The following COL17A1 variants were observed in gnomAD, a reference collection of about 807,000 sequenced individuals.
The protein encoded by COL17A1 is collagen type XVII alpha 1 chain.
In COL17A1, 181 loss-of-function variants were observed where a neutral mutation model predicts 218.4. That is an observed-to-expected ratio of 0.83 (90% CI 0.73 to 0.94). The LOEUF (loss-of-function observed/expected upper bound fraction) is 0.94, where lower values mean the gene tolerates loss of function less well. COL17A1 is among the 40% of genes least tolerant of loss of function. The pLI is 0.00. For synonymous variants in COL17A1, 721 were observed against 731.0 expected (o/e 0.99, Z 0.22); for missense variants, 1,924 against 1,945.9 (o/e 0.99, Z 0.21).
intron 5 of COL17A1, 60 bp downstream of exon 5, chr10:104,076,241 A>G: frequency 6.2e-7 from 1 of 1,611,736 alleles, no homozygotes; most frequent in South Asian, 1.1e-5. Flanking sequence ...ATCTTCAAAG[A>G]ATGAGTGAAG....
rs1844703382 is a variant in COL17A1, at chr10:104,032,735, C to T, written c.4377G>A (p.Gly1459=). ...CAGGTGGCCCAGGATGACCTGGTGG[C>T]CCAGCAGGGCCCCTGTCACCTGGAA... is the stretch of plus-strand genomic sequence containing the variant. The part of the protein sequence containing the change: ...PGPKGDRGPA[G]PPGHPGPPGP... Residue 1459 remains glycine (G), a synonymous_variant, in exon 55 of 56, where the codon GGG becomes GGA. Coordinates refer to ENST00000648076, the MANE Select transcript of COL17A1 (RefSeq NM_000494.4). The T allele has an allele frequency of 6.2e-7, 1 of 1,614,124 alleles. No homozygotes were observed. Among genetic ancestry groups the T allele is most frequent in the Non-Finnish European group, 8.5e-7 (1 of 1,180,004 alleles).
At chr10:104,082,447 T>C (rs570378914) in intron 1 of COL17A1, among the ~76,000 whole-genome samples, 77 of 152,208 alleles carry the variant, frequency 5.1e-4, no homozygotes, top group Non-Finnish European at 9.8e-4. Flanking sequence ...TAATAAGCTG[T>C]GGATCAGGAG....
In COL17A1 at chr10:104,074,219, C is replaced by T; in HGVS notation, c.344G>A (p.Gly115Asp). Residue 115 changes from glycine (G) to aspartate (D), a missense_variant, in exon 6 of 56, where the codon GGC (glycine) becomes GAC (aspartate). Gly to Asp is a moderately conservative substitution (Grantham distance 94, BLOSUM62 -1). Transcript: ENST00000648076. ...TRHAYEGSSS[G>D]NSSPEYPRKE... ...CCGAGGGTACTCCGGAGAAGAGTTGCCACTGGAGCTCCCTGGAGAGGGGAT... is the reference window on the plus strand; with the variant it reads ...CCGAGGGTACTCCGGAGAAGAGTTGTCACTGGAGCTCCCTGGAGAGGGGAT... 1.9e-6 allele frequency: 3 copies of T among 1,614,136 alleles called. No individual in the cohort carries two copies. Among genetic ancestry groups the T allele is most frequent in the Non-Finnish European group, 2.5e-6 (3 of 1,180,014 alleles).
chr10:104,074,066 T>C, intron 6 of COL17A1, 118 bp downstream of exon 6: 2 of 1,530,448 alleles, frequency 1.3e-6, no homozygotes, highest in South Asian at 2.3e-5. Flanking sequence ...GGGGTCAAAC[T>C]CTTTTAGAAG....
chr10:104,045,649 C>A, intron 33 of COL17A1, 109 bp downstream of exon 33: 2 of 946,850 alleles, frequency 2.1e-6, no homozygotes, highest in Non-Finnish European at 3.5e-6. Context: ...CCACTAGATG[C>A]CACTGTTGAT....
At chr10:104,066,028 T>A (rs561836961) in intron 9 of COL17A1, among the ~76,000 whole-genome samples, 28 of 152,112 alleles carry the variant, frequency 1.8e-4, no homozygotes, top group African/African-American at 6.7e-4. Context: ...CCCCACCAGG[T>A]CCCCCCACTT....
At chr10:104,062,698 G>T (rs2134632172) in intron 11 of COL17A1, among the ~76,000 whole-genome samples, 1 of 152,294 alleles carries the variant, frequency 6.6e-6, no homozygotes, top group Middle Eastern at 3.4e-3. Context: ...GGAACTGTAA[G>T]CTTAGGATAT....
chr10:104,067,900 T>A (rs1217809055), intron 9 of COL17A1, among the ~76,000 whole-genome samples: 4 of 140,272 alleles, frequency 2.9e-5, no homozygotes, highest in Non-Finnish European at 4.7e-5. Context: ...AAGACAGAGA[T>A]CAAAGACACA....
intron 5 of COL17A1, 114 bp from the exon 6 acceptor site, chr10:104,074,345 A>AG: frequency 6.9e-7 from 1 of 1,453,422 alleles, no homozygotes; most frequent in Non-Finnish European, 9.6e-7. Flanking sequence ...TCAGTGTTTC[A>AG]GGGGGGAATG....
intron 16 of COL17A1, 107 bp from the exon 17 acceptor site, chr10:104,057,279 G>T: frequency 6.4e-7 from 1 of 1,573,432 alleles, no homozygotes; most frequent in South Asian, 1.2e-5. Context: ...TACGACTGGG[G>T]GCTTTCAAGT....
Position 104,040,262 on chromosome 10 carries a change from C to T in COL17A1, c.2761+89G>A, listed in dbSNP as rs966985694. On this transcript the variant is annotated intron_variant, in intron 40 of 55. Transcript: ENST00000648076. ...AGAAGGATGCAAAAATGCCCCAGCT[C>T]ATTCAGCTTCATCCAAACCCTCCTG... The T allele has an allele frequency of 8.7e-6, 9 of 1,038,678 alleles. No individual in the cohort carries two copies. The African/African-American group carries it at 1.4e-4, about 16-fold the overall frequency. The allele number at this position is 1,038,678 out of a possible 1,614,324, so 64.3% of individuals were successfully genotyped here.
rs1391893703 is a variant in COL17A1, at chr10:104,039,996, G to T, written c.2765C>A (p.Pro922His). 4.3e-6 allele frequency: 7 copies of T among 1,614,052 alleles called. No individual in the cohort carries two copies. The change falls in exon 41 of 56, where the codon CCC (proline) becomes CAC (histidine). Residue 922 changes from proline (P) to histidine (H), a missense_variant. Pro to His is a moderately conservative substitution (Grantham distance 77). Transcript: ENST00000648076. Reference sequence around the variant, plus strand: ...ACCTTGGTGTCCTCTGGGGCCTGGGGGACCTGAGGGAAAAAGGCAGAGAGC... The same window carrying T: ...ACCTTGGTGTCCTCTGGGGCCTGGGTGACCTGAGGGAAAAAGGCAGAGAGC... ...GPPGPKGDQG[P>H]PGPRGHQGEQ...
At chr10:104,059,414 T>A (rs751963234) in intron 15 of COL17A1, 1 of 593,380 alleles carries the variant, frequency 1.7e-6, no homozygotes, top group Non-Finnish European at 3.0e-6. Flanking sequence ...AGGCTTTTGC[T>A]TCAGTAATGC....
intron 30 of COL17A1, 21 bp downstream of exon 30, chr10:104,048,048 G>A (rs748517561): frequency 4.3e-6 from 7 of 1,613,990 alleles, no homozygotes; most frequent in African/African-American, 1.3e-5. Context: ...TGAGGCTGGG[G>A]GCAGCAGATG....
chr10:104,056,901 C>G, intron 17 of COL17A1, 74 bp downstream of exon 17: 1 of 1,547,550 alleles, frequency 6.5e-7, no homozygotes, highest in South Asian at 1.2e-5. Context: ...TTCACAGATT[C>G]CTGCCCTTCT....
chr10:104,040,455 G>A (rs377121209), intron 39 of COL17A1, 45 bp from the exon 40 acceptor site: 2 of 1,317,406 alleles, frequency 1.5e-6, no homozygotes, highest in African/African-American at 1.4e-5. Context: ...TGATGTTTGT[G>A]AAGAAGCAGC....
chr10:104,071,935 TGCATGCAC>T, intron 8 of COL17A1, 89 bp downstream of exon 8: 1 of 1,565,818 alleles, frequency 6.4e-7, no homozygotes, highest in South Asian at 1.1e-5. Flanking sequence ...TGTGTGTGCA[TGCATGCAC>T]ACACACACGC....
chr10:104,052,405 G>A (rs2086478655), intron 23 of COL17A1, among the ~76,000 whole-genome samples, 188 bp from the exon 24 acceptor site: 1 of 152,172 alleles, frequency 6.6e-6, no homozygotes, highest in East Asian at 1.9e-4. Flanking sequence ...ATAGTCTATG[G>A]AGTTTGACAC....
At position 104,039,092 on chromosome 10, in the gene COL17A1, T is replaced by C. The variant is rs767272860; in HGVS notation, c.2926A>G (p.Ile976Val). The change falls in exon 44 of 56, where the codon ATT becomes GTT. Residue 976 changes from isoleucine (I) to valine (V), a missense_variant. Coordinates refer to ENST00000648076, the MANE Select transcript of COL17A1 (RefSeq NM_000494.4). ...TTACCTTCAGAAGGACCACTAGGAA[T>C]GCCAAGAGCCCCTGGAACACCTGGA... ...GDPGVPGALG[I>V]PSGPSEGGSS... 6.2e-7 allele frequency: 1 copy of C among 1,614,162 alleles called. No homozygotes were observed. The highest frequency in any genetic ancestry group is 8.5e-7 in the Non-Finnish European group (1 of 1,179,992).
Sources: allele counts gnomAD v4.1 joint callset (sites outside exome capture counted in the v4.1 genomes callset), GRCh38; gene constraint gnomAD v4.1.1; transcripts MANE v1.5; gene names NCBI Gene and HGNC (gene_info 2026-07-23, HGNC 2026-07-21).